Variants in NRG1 observed in about 807,000 individuals in gnomAD.
NRG1 encodes pro-neuregulin-1, membrane-bound isoform.
Under a neutral mutation model 63.8 loss-of-function variants are expected in NRG1, and 18 were observed. The ratio of observed to expected loss-of-function variants is 0.28; its 90% CI spans 0.19 to 0.42. The LOEUF (loss-of-function observed/expected upper bound fraction) is 0.42. NRG1 is among the 10% of genes least tolerant of loss of function. NRG1 has a pLI of 1.00. For synonymous variants in NRG1, 302 were observed against 301.3 expected (o/e 1.00, Z -0.02); for missense variants, 762 against 814.7 (o/e 0.94, Z 0.79).
chr8:31,930,155 T>G (rs1834746929), intron 1 of NRG1, among the ~76,000 whole-genome samples: 1 of 152,126 alleles, frequency 6.6e-6, no homozygotes, highest in South Asian at 2.1e-4. Flanking sequence ...GACATGAAGG[T>G]CCTGAATAAT....
At chr8:32,746,694 T>C (rs1827495977) in intron 7 of NRG1, among the ~76,000 whole-genome samples, 1 of 152,132 alleles carries the variant, frequency 6.6e-6, no homozygotes, top group Non-Finnish European at 1.5e-5. Flanking sequence ...CTAGATTGTT[T>C]ACAGTAAACT....
At chr8:32,438,293 C>T (rs993235436) in intron 1 of NRG1, among the ~76,000 whole-genome samples, 1 of 152,088 alleles carries the variant, frequency 6.6e-6, no homozygotes, top group Non-Finnish European at 1.5e-5. Context: ...TTGGTTTTTT[C>T]CAATCAGCAT....
At chr8:31,795,856 A>C (rs1821152404) in intron 1 of NRG1, among the ~76,000 whole-genome samples, 1 of 152,212 alleles carries the variant, frequency 6.6e-6, no homozygotes, top group Admixed American at 6.5e-5. Flanking sequence ...TTTAATGATT[A>C]AAATAATTCT....
intron 1 of NRG1, among the ~76,000 whole-genome samples, chr8:31,816,836 T>C (rs1020051877): frequency 6.6e-6 from 1 of 152,190 alleles, no homozygotes; most frequent in Non-Finnish European, 1.5e-5. Flanking sequence ...GTTAAGTGTT[T>C]CCCTGACATT....
chr8:32,330,844 AT>A (rs1379124051), intron 1 of NRG1, among the ~76,000 whole-genome samples: 4 of 152,198 alleles, frequency 2.6e-5, no homozygotes. Context: ...GTGTTAAAGT[AT>A]TGTACAGTCA....
chr8:31,872,130 T>G (rs889469822), intron 1 of NRG1, among the ~76,000 whole-genome samples: 2 of 152,210 alleles, frequency 1.3e-5, no homozygotes, highest in African/African-American at 4.8e-5. Context: ...CTCTGAGCAC[T>G]TACTCTTCAA....
intron 1 of NRG1, among the ~76,000 whole-genome samples, chr8:32,330,414 A>G (rs1227093740): frequency 6.6e-6 from 1 of 152,202 alleles, no homozygotes; most frequent in Non-Finnish European, 1.5e-5. Flanking sequence ...AGTTTCTGAG[A>G]TAGAGATGTT....
chr8:32,619,321 T>C (rs1246590128), intron 5 of NRG1, among the ~76,000 whole-genome samples: 1 of 152,156 alleles, frequency 6.6e-6, no homozygotes, highest in South Asian at 2.1e-4. Context: ...TCATGTGCCG[T>C]GTAGGGGACC....
chr8:32,520,495 G>C (rs1830237202), intron 1 of NRG1, among the ~76,000 whole-genome samples: 1 of 152,116 alleles, frequency 6.6e-6, no homozygotes, highest in Non-Finnish European at 1.5e-5. Context: ...GGGGATAAGA[G>C]TACTGATATC....
intron 1 of NRG1, among the ~76,000 whole-genome samples, chr8:32,227,554 G>A (rs10093294): frequency 0.041 from 6,217 of 152,210 alleles, 429 homozygotes; most frequent in African/African-American, 0.14. Context: ...TTTTCAAGCC[G>A]CAGTGAATGA....
chr8:31,918,887 A>T (rs543417210), intron 1 of NRG1, among the ~76,000 whole-genome samples: 3 of 152,014 alleles, frequency 2.0e-5, no homozygotes, highest in Non-Finnish European at 4.4e-5. Context: ...AGCTTCTGTT[A>T]TTGGTGTATT....
chr8:31,657,816 T>C (rs577705223), intron 1 of NRG1, among the ~76,000 whole-genome samples: 7 of 152,364 alleles, frequency 4.6e-5, no homozygotes, highest in African/African-American at 1.7e-4. Flanking sequence ...TTAAAGGTCA[T>C]GCAGCTGCTG....
intron 1 of NRG1, among the ~76,000 whole-genome samples, chr8:32,050,106 T>TTA (rs1298383069): frequency 6.6e-6 from 1 of 152,086 alleles, no homozygotes; most frequent in African/African-American, 2.4e-5. Flanking sequence ...AAAAATAAGG[T>TTA]TATTTGTATA....
At chr8:32,241,478 C>T (rs1317366408) in intron 1 of NRG1, among the ~76,000 whole-genome samples, 1 of 152,150 alleles carries the variant, frequency 6.6e-6, no homozygotes, top group African/African-American at 2.4e-5. Context: ...ATATCCATCA[C>T]ATTTGTAGAA....
intron 1 of NRG1, among the ~76,000 whole-genome samples, chr8:32,299,040 A>AC (rs1241022335): frequency 6.6e-6 from 1 of 150,994 alleles, no homozygotes; most frequent in Non-Finnish European, 1.5e-5. Context: ...AAAAAAAAAA[A>AC]AAAAAAAAGA....
At chr8:32,118,125 G>A (rs1832969999) in intron 1 of NRG1, among the ~76,000 whole-genome samples, 1 of 152,054 alleles carries the variant, frequency 6.6e-6, no homozygotes, top group African/African-American at 2.4e-5. Context: ...GATAGTAATT[G>A]CTATGGTTTG....
chr8:31,913,701 A>C (rs1390223994), intron 1 of NRG1, among the ~76,000 whole-genome samples: 2 of 152,150 alleles, frequency 1.3e-5, no homozygotes, highest in Non-Finnish European at 2.9e-5. Flanking sequence ...TCTCCTCCCA[A>C]AACTTAATCC....
exon 1 of NRG1, chr8:32,548,762 G>T (rs749066061): frequency 6.3e-7 from 1 of 1,590,882 alleles, no homozygotes; most frequent in Admixed American, 1.8e-5. Context: ...GCAAAGGGAA[G>T]GGCAAGAAGA....
chr8:32,087,189 T>G (rs1587005131), intron 1 of NRG1, among the ~76,000 whole-genome samples: 1 of 152,282 alleles, frequency 6.6e-6, no homozygotes, highest in Admixed American at 6.5e-5. Context: ...AGATGGGGTC[T>G]AATGGGAGGA....
Sources: allele counts gnomAD v4.1 joint callset (sites outside exome capture counted in the v4.1 genomes callset), GRCh38; gene constraint gnomAD v4.1.1; transcripts MANE v1.5; gene names NCBI Gene and HGNC (gene_info 2026-07-23, HGNC 2026-07-21).